Variants in MICAL3 observed in about 807,000 individuals in gnomAD.
MICAL3 encodes the protein microtubule associated monooxygenase, calponin and LIM domain containing 3, also known as [F-actin]-monooxygenase MICAL3.
A neutral mutation model predicts 207.4 loss-of-function variants in MICAL3; 62 were observed. The ratio of observed to expected loss-of-function variants is 0.30; its 90% confidence interval spans 0.24 to 0.37. MICAL3 has a LOEUF of 0.37. Among genes scored for constraint, MICAL3 ranks in the 10% least tolerant of loss-of-function variants. The pLI is 1.00. For synonymous variants in MICAL3, 1,077 were observed against 1,069.3 expected, an observed-to-expected ratio of 1.01 and a Z score of -0.14; for missense variants, 2,368 against 2,635.6, an observed-to-expected ratio of 0.90 and a Z score of 2.22.
At chr22:17,807,256 A>G (rs944050183) in intron 29 of MICAL3, among the ~76,000 whole-genome samples, 2 of 152,240 alleles carry the variant, frequency 1.3e-5, no homozygotes, top group African/African-American at 4.8e-5. Context: ...GCCCGGACGC[A>G]GTCGGGCACA....
chr22:17,957,537 C>G (rs1437506706), intron 1 of MICAL3, among the ~76,000 whole-genome samples: 1 of 151,920 alleles, frequency 6.6e-6, no homozygotes, highest in Non-Finnish European at 1.5e-5. Flanking sequence ...TGGCAAAATC[C>G]CATCTCTACT....
chr22:17,936,069 T>C (rs1438910611), intron 1 of MICAL3, among the ~76,000 whole-genome samples: 1 of 152,194 alleles, frequency 6.6e-6, no homozygotes, highest in Non-Finnish European at 1.5e-5. Context: ...AGCAATCCCA[T>C]TACTGGGTAT....
At chr22:18,012,183 A>G (rs920167189) in intron 1 of MICAL3, among the ~76,000 whole-genome samples, 1 of 152,120 alleles carries the variant, frequency 6.6e-6, no homozygotes, top group African/African-American at 2.4e-5. Context: ...TGCAGTGAGC[A>G]GAGATTGTGC....
intron 1 of MICAL3, among the ~76,000 whole-genome samples, chr22:17,946,609 T>C (rs891589641): frequency 6.6e-6 from 1 of 152,152 alleles, no homozygotes; most frequent in Non-Finnish European, 1.5e-5. Flanking sequence ...TGCACACACA[T>C]GTGGACACAT....
At chr22:17,875,586 T>C (rs769595965) in intron 16 of MICAL3, 15 of 1,392,588 alleles carry the variant, frequency 1.1e-5, no homozygotes, top group Middle Eastern at 1.8e-4. Flanking sequence ...AAAACAAAAG[T>C]AAAGGAAATG....
intron 1 of MICAL3, among the ~76,000 whole-genome samples, chr22:17,999,251 T>C (rs922058152): frequency 2.6e-5 from 4 of 152,198 alleles, no homozygotes; most frequent in African/African-American, 9.7e-5. Flanking sequence ...TGTACCACTC[T>C]TCCAGGGCAT....
At chr22:17,999,112 AATT>A (rs1236784048) in intron 1 of MICAL3, among the ~76,000 whole-genome samples, 3 of 152,156 alleles carry the variant, frequency 2.0e-5, no homozygotes, top group Non-Finnish European at 4.4e-5. Context: ...TGCCAGGAGA[AATT>A]AGGTAATTCA....
chr22:17,968,925 T>G (rs957042507), intron 1 of MICAL3, among the ~76,000 whole-genome samples: 2 of 152,016 alleles, frequency 1.3e-5, no homozygotes, highest in African/African-American at 4.8e-5. Context: ...AATTAACCAA[T>G]GCAAAAAATG....
intron 1 of MICAL3, among the ~76,000 whole-genome samples, chr22:17,977,990 C>A (rs529733197): frequency 6.6e-6 from 1 of 152,002 alleles, no homozygotes; most frequent in South Asian, 2.1e-4. Flanking sequence ...GCACTGCACT[C>A]CAGCCTGCGC....
intron 1 of MICAL3, among the ~76,000 whole-genome samples, chr22:17,951,927 C>T (rs1934368535): frequency 6.6e-6 from 1 of 152,116 alleles, no homozygotes. Context: ...GAACTCCTGG[C>T]CTCAAGTGAT....
In MICAL3 at chr22:18,019,643, T is replaced by C. The variant is rs575592130; in HGVS notation, c.-75+4638A>G. 1.3e-3 allele frequency: 193 copies of C among 151,600 alleles called. 2 individuals are homozygous for C. Among genetic ancestry groups the C allele is most frequent in the Non-Finnish European group, 2.3e-3 (157 of 68,662 alleles). The allele number at this position is 151,600 out of a possible 1,614,324, so 9.4% of individuals were successfully genotyped here. ...CTGGGAGGCGGAGGTTGCAGTGAGC[T>C]GAGATCGCGCCATTGCACTCCAGCC... On this transcript the variant is annotated intron_variant, in intron 1 of 31. Transcript: ENST00000441493.
intron 1 of MICAL3, among the ~76,000 whole-genome samples, chr22:17,945,815 G>C (rs1934040331): frequency 6.6e-6 from 1 of 152,124 alleles, no homozygotes; most frequent in Admixed American, 6.5e-5. Context: ...AGAAGAGGCT[G>C]TATTTAGCAG....
At chr22:17,849,650 G>A (rs1214201341) in intron 19 of MICAL3, among the ~76,000 whole-genome samples, 4 of 92,848 alleles carry the variant, frequency 4.3e-5, no homozygotes, top group Admixed American at 9.8e-5. Flanking sequence ...TGGAATGTGT[G>A]TGTGTGTGTG....
At chr22:17,862,966 C>A (rs939741907) in intron 19 of MICAL3, 1 of 985,340 alleles carries the variant, frequency 1.0e-6, no homozygotes, top group African/African-American at 1.7e-5. Context: ...GAATCAAGAA[C>A]CACGCGGACA....
chr22:17,930,517 C>A lies in MICAL3; in HGVS notation c.-74-23631G>T, dbSNP rs9618168. On this transcript the variant is annotated intron_variant, in intron 1 of 31. Coordinates refer to ENST00000441493, the MANE Select transcript of MICAL3 (RefSeq NM_015241.3). Reference sequence around the variant, plus strand: ...AACATCCAGCCACACCGATGAAACTCACAGATTAGTGCTGGGCAAGAGAGG... The same window carrying A: ...AACATCCAGCCACACCGATGAAACTAACAGATTAGTGCTGGGCAAGAGAGG... Among the ~76,000 whole-genome samples the A allele has an allele frequency of 9.5e-3, 1,441 of 152,298 alleles. 18 individuals carry two copies. The highest frequency in any genetic ancestry group is 0.032 in the African/African-American group (1,343 of 41,560).
chr22:17,860,796 GC>G lies in MICAL3; in HGVS notation c.2605+4102del, dbSNP rs112505801. 10,606 of 985,358 alleles carry G rather than the reference GC, an allele frequency of 0.011. 604 individuals are homozygous for G. In the African/African-American group the frequency reaches 0.15, roughly 14 times the overall value. The allele number at this position is 985,358 out of a possible 1,614,324, so 61.0% of individuals were successfully genotyped here. On this transcript the variant is annotated intron_variant, in intron 19 of 31. Coordinates refer to ENST00000441493, the MANE Select transcript of MICAL3 (RefSeq NM_015241.3). ...CACCCACCCACTCACCTCCTTACAG[GC>G]GTGCTGCCCGTACGCTGCTGTGCAT...
At chr22:17,866,914 G>C (rs981988467) in intron 17 of MICAL3, among the ~76,000 whole-genome samples, 6 of 152,172 alleles carry the variant, frequency 3.9e-5, no homozygotes, top group Admixed American at 6.5e-5. Flanking sequence ...GACGACTTTT[G>C]AATCTCAAGT....
chr22:17,791,889 C>CGA (rs1204166643), intron 29 of MICAL3, among the ~76,000 whole-genome samples: 3 of 152,236 alleles, frequency 2.0e-5, no homozygotes, highest in Non-Finnish European at 4.4e-5. Context: ...CCCGCTGGAT[C>CGA]CCGCATGGTC....
intron 1 of MICAL3, chr22:18,005,399 A>G (rs986113151): frequency 3.9e-5 from 6 of 152,240 alleles, no homozygotes; most frequent in African/African-American, 1.4e-4. Context: ...GCTGGTAAGT[A>G]ACTGAGCCTG....
Sources: allele counts gnomAD v4.1 joint callset (sites outside exome capture counted in the v4.1 genomes callset), GRCh38; gene constraint gnomAD v4.1.1; transcripts MANE v1.5; gene names NCBI Gene and HGNC (gene_info 2026-07-23, HGNC 2026-07-21).